LIPI: variants seen among roughly 807,000 people sequenced by gnomAD.
LIPI encodes the protein lipase member I.
A neutral mutation model predicts 50.6 loss-of-function variants in LIPI; 59 were observed. The ratio of observed to expected loss-of-function variants is 1.16; its 90% CI spans 0.94 to 1.45. LIPI has a LOEUF of 1.45. Among genes scored for constraint, LIPI ranks in the 40% most tolerant of loss-of-function variants. The pLI is 0.00. For missense variants in LIPI, 586 were observed against 536.3 expected (o/e 1.09, Z -0.92); for synonymous variants, 203 against 178.2 (o/e 1.14, Z -1.11).
intron 1 of LIPI, among the ~76,000 whole-genome samples, chr21:14,203,592 C>A (rs1285172335): frequency 6.6e-6 from 1 of 151,980 alleles, no homozygotes; most frequent in African/African-American, 2.4e-5. Context: ...GGACAAAAAA[C>A]CAAACACCGC....
intron 8 of LIPI, among the ~76,000 whole-genome samples, chr21:14,150,374 T>C (rs2018047740): frequency 6.6e-6 from 1 of 152,208 alleles, no homozygotes; most frequent in Admixed American, 6.5e-5. Context: ...TGTATTGCCT[T>C]GCTTTCAAAT....
At chr21:14,166,885 A>T (rs2018705442) in intron 4 of LIPI, among the ~76,000 whole-genome samples, 1 of 152,224 alleles carries the variant, frequency 6.6e-6, no homozygotes, top group South Asian at 2.1e-4. Flanking sequence ...GCAGCGCACC[A>T]TGTGCAAGCC....
At chr21:14,178,356 C>T (rs1051244272) in intron 4 of LIPI, among the ~76,000 whole-genome samples, 17 of 152,038 alleles carry the variant, frequency 1.1e-4, no homozygotes, top group Non-Finnish European at 2.4e-4. Context: ...CTATCCTATG[C>T]ATCTCTTAAC....
chr21:14,112,090 C>G (rs1439127302), intron 9 of LIPI, among the ~76,000 whole-genome samples: 4 of 152,060 alleles, frequency 2.6e-5, no homozygotes, highest in African/African-American at 9.7e-5. Context: ...ATTGAAGAGA[C>G]TGTCCTTTCT....
In LIPI at chr21:14,181,805, T is replaced by C. The variant is rs774697754; in HGVS notation, c.596A>G (p.Asp199Gly). 5 of 1,612,644 alleles carry C rather than the reference T, an allele frequency of 3.1e-6. No homozygotes were observed. The African/African-American group carries it at 6.7e-5, about 22-fold the overall frequency. The stretch of plus-strand genomic sequence containing the variant: ...ATCCACAAACTTTGCATCCGTGTAA[T>C]CTAATCTGCTATATGGTGGTTTTCT... ...FSRKPPYSRLDYTDAKFVDVI... is the reference protein window; with the variant it reads ...FSRKPPYSRLGYTDAKFVDVI... Residue 199 changes from aspartate (D) to glycine (G), a missense_variant, in exon 4 of 10, where the codon GAT (aspartate) becomes GGT (glycine). Physicochemically the swap from Asp to Gly is moderately conservative, Grantham distance 94. Coordinates refer to ENST00000681601, the MANE Select transcript of LIPI (RefSeq NM_001302998.2).
intron 8 of LIPI, among the ~76,000 whole-genome samples, chr21:14,148,079 G>A (rs2017967121): frequency 6.6e-6 from 1 of 151,990 alleles, no homozygotes. Context: ...ATCATTAGTA[G>A]TATAGAAAAA....
chr21:14,116,497 C>T (rs1384232303), intron 9 of LIPI, among the ~76,000 whole-genome samples: 2 of 152,144 alleles, frequency 1.3e-5, no homozygotes, highest in East Asian at 3.8e-4. Flanking sequence ...TTGAAGCCGA[C>T]TCCATTAGAA....
intron 9 of LIPI, among the ~76,000 whole-genome samples, chr21:14,129,814 A>ATTT (rs1332506037): frequency 7.1e-6 from 1 of 141,384 alleles, no homozygotes; most frequent in African/African-American, 3.0e-5. Context: ...TTTTTTAAAA[A>ATTT]AAAAAAAAGC....
chr21:14,117,819 A>T lies in LIPI; in HGVS notation c.1296-8739T>A, dbSNP rs1431975291. ...CCCAGCTTATCCAGGTGGCAACCAA[A>T]GTGTTTGTAAATTGAGATGAAAAAG... is the stretch of plus-strand genomic sequence containing the variant. On this transcript the variant is annotated intron_variant, in intron 9 of 9. Transcript: ENST00000681601. 3.3e-5 allele frequency among the ~76,000 whole-genome samples: 5 copies of T among 152,052 alleles called. No individual in the cohort carries two copies. The South Asian group carries it at 1.0e-3, about 32-fold the overall frequency.
chr21:14,204,123 T>C (rs372729767), intron 1 of LIPI, among the ~76,000 whole-genome samples: 1 of 151,958 alleles, frequency 6.6e-6, no homozygotes, highest in African/African-American at 2.4e-5. Flanking sequence ...AGGAAGAATA[T>C]CTAATGGATG....
intron 9 of LIPI, among the ~76,000 whole-genome samples, chr21:14,113,159 A>C (rs747627615): frequency 3.0e-4 from 46 of 152,268 alleles, no homozygotes; most frequent in Non-Finnish European, 5.3e-4. Flanking sequence ...AATATAGAAC[A>C]TTCAATAAGA....
At chr21:14,116,739 A>T (rs1322708906) in intron 9 of LIPI, among the ~76,000 whole-genome samples, 1 of 152,144 alleles carries the variant, frequency 6.6e-6, no homozygotes, top group Non-Finnish European at 1.5e-5. Flanking sequence ...GCTGAACGTG[A>T]TTCAGACCCG....
intron 5 of LIPI, 98 bp from the exon 6 acceptor site, chr21:14,165,488 T>C: frequency 1.2e-6 from 1 of 819,330 alleles, no homozygotes; most frequent in East Asian, 2.6e-5. Context: ...CTAAATACTA[T>C]GTACCTTATG....
At chr21:14,171,042 A>AAAATCAC (rs1779189627) in intron 4 of LIPI, among the ~76,000 whole-genome samples, 1 of 150,350 alleles carries the variant, frequency 6.7e-6, no homozygotes, top group Non-Finnish European at 1.5e-5. Flanking sequence ...TCAATGTGCA[A>AAAATCAC]AAATCACAAG....
chr21:14,140,568 A>G (rs2017669612), intron 9 of LIPI, among the ~76,000 whole-genome samples: 1 of 152,022 alleles, frequency 6.6e-6, no homozygotes, highest in South Asian at 2.1e-4. Context: ...TTGTGCAAAT[A>G]TAAACATTTG....
At chr21:14,184,163 C>G (rs1030825981) in intron 3 of LIPI, among the ~76,000 whole-genome samples, 1 of 152,192 alleles carries the variant, frequency 6.6e-6, no homozygotes, top group Non-Finnish European at 1.5e-5. Flanking sequence ...AGGATGAGTT[C>G]ATGTCCTTTG....
intron 7 of LIPI, among the ~76,000 whole-genome samples, chr21:14,158,884 T>TA (rs1228117340): frequency 6.6e-6 from 1 of 150,632 alleles, no homozygotes; most frequent in African/African-American, 2.4e-5. Context: ...TTCAACACCT[T>TA]AAAAAAAAGG....
At chr21:14,151,533 A>G (rs2018090300) in intron 8 of LIPI, among the ~76,000 whole-genome samples, 1 of 152,186 alleles carries the variant, frequency 6.6e-6, no homozygotes, top group Non-Finnish European at 1.5e-5. Flanking sequence ...ACAACAAAAT[A>G]CACTTTTATA....
chr21:14,125,139 A>G (rs1049612682), intron 9 of LIPI, among the ~76,000 whole-genome samples: 10 of 151,986 alleles, frequency 6.6e-5, no homozygotes, highest in East Asian at 1.9e-4. Flanking sequence ...AGCTCCTTCA[A>G]TCTGAAGTTA....
Sources: gnomAD v4.1 joint callset for allele counts (sites outside exome capture counted in the v4.1 genomes callset) on GRCh38, gnomAD v4.1.1 for gene constraint, MANE v1.5 for transcripts, NCBI Gene and HGNC (gene_info 2026-07-23, HGNC 2026-07-21) for gene names.